DGKB: variants seen among roughly 807,000 people sequenced by gnomAD.
DGKB encodes 90 kDa diacylglycerol kinase.
In DGKB, 67 loss-of-function variants were observed where a neutral mutation model predicts 114.3. That is an observed-to-expected ratio of 0.59 (90% CI 0.48 to 0.72). The LOEUF (loss-of-function observed/expected upper bound fraction) is 0.72. Among genes scored for constraint, DGKB ranks in the 30% least tolerant of loss-of-function variants. The pLI, the probability that DGKB is intolerant of heterozygous loss-of-function variation, is 0.00. For synonymous variants in DGKB, 398 were observed against 323.1 expected, an observed-to-expected ratio of 1.23 and a Z score of -2.49; for missense variants, 907 against 975.2, an observed-to-expected ratio of 0.93 and a Z score of 0.93.
chr7:14,863,983 C>G (rs1001174046), intron 1 of DGKB, among the ~76,000 whole-genome samples: 1 of 151,642 alleles, frequency 6.6e-6, no homozygotes, highest in Admixed American at 6.6e-5. Context: ...CCTGTAATCC[C>G]AGCTACTAGG....
At chr7:14,784,683 C>T (rs1000539552) in intron 2 of DGKB, among the ~76,000 whole-genome samples, 1 of 152,120 alleles carries the variant, frequency 6.6e-6, no homozygotes, top group Non-Finnish European at 1.5e-5. Context: ...AGTTTATATG[C>T]TATTTTTGAT....
At chr7:14,737,150 T>A (rs1451399121) in intron 4 of DGKB, among the ~76,000 whole-genome samples, 1 of 152,014 alleles carries the variant, frequency 6.6e-6, no homozygotes, top group African/African-American at 2.4e-5. Context: ...GCCAGTGGAG[T>A]GGTCTTGGGT....
At chr7:14,425,028 A>G (rs1378603858) in intron 21 of DGKB, among the ~76,000 whole-genome samples, 1 of 152,188 alleles carries the variant, frequency 6.6e-6, no homozygotes, top group Non-Finnish European at 1.5e-5. Context: ...GTTGATGTAG[A>G]AATATAAGAA....
intron 23 of DGKB, among the ~76,000 whole-genome samples, chr7:14,243,938 T>G (rs900221868): frequency 6.6e-6 from 1 of 152,168 alleles, no homozygotes; most frequent in Non-Finnish European, 1.5e-5. Context: ...TTGAGTAAAA[T>G]GAAGGAGTGG....
chr7:14,352,526 G>C (rs1214531859), intron 21 of DGKB, among the ~76,000 whole-genome samples: 2 of 152,070 alleles, frequency 1.3e-5, no homozygotes, highest in Non-Finnish European at 2.9e-5. Context: ...CACAAAGTAA[G>C]TCCCTAAGAG....
chr7:14,817,741 T>C (rs1844361773), intron 2 of DGKB, among the ~76,000 whole-genome samples: 1 of 152,214 alleles, frequency 6.6e-6, no homozygotes, highest in South Asian at 2.1e-4. Flanking sequence ...GTTTAGATTA[T>C]ATTGTCAAAA....
At chr7:14,834,679 A>G (rs1846899829) in intron 2 of DGKB, among the ~76,000 whole-genome samples, 1 of 152,160 alleles carries the variant, frequency 6.6e-6, no homozygotes, top group Admixed American at 6.5e-5. Flanking sequence ...TGAGCAAAAA[A>G]TGAACTTCTG....
chr7:14,940,077 A>T (rs1415448360), intron 1 of DGKB, among the ~76,000 whole-genome samples: 1 of 152,150 alleles, frequency 6.6e-6, no homozygotes, highest in African/African-American at 2.4e-5. Flanking sequence ...TCTTATACAC[A>T]GTCTCCACAC....
intron 1 of DGKB, among the ~76,000 whole-genome samples, chr7:14,912,865 G>T (rs558478072): frequency 9.2e-5 from 14 of 152,074 alleles, no homozygotes; most frequent in African/African-American, 3.4e-4. Context: ...ATATTGTCTC[G>T]TACAGAAAGC....
At chr7:14,686,314 G>T (rs1022997397) in intron 9 of DGKB, among the ~76,000 whole-genome samples, 4 of 152,024 alleles carry the variant, frequency 2.6e-5, no homozygotes, top group African/African-American at 9.7e-5. Flanking sequence ...CTCCTTACAA[G>T]AAGGTCAAGA....
chr7:14,509,477 A>G lies in DGKB; in HGVS notation c.1771-31252T>C, dbSNP rs62443494. Reference sequence around the variant, plus strand: ...CTCCTCCTGAAACCCACTCCCACCCATTTCAGTCCTGATAAGTTAAAGATC... The same window carrying G: ...CTCCTCCTGAAACCCACTCCCACCCGTTTCAGTCCTGATAAGTTAAAGATC... On this transcript the variant is annotated intron_variant, in intron 20 of 25. Transcript: ENST00000402815. Among the ~76,000 whole-genome samples, 802 of 152,242 alleles carry G rather than the reference A, an allele frequency of 5.3e-3. 5 individuals are homozygous for G. The highest frequency in any genetic ancestry group is 0.017 in the Middle Eastern group (5 of 294).
At chr7:14,923,860 T>C (rs1204419313) in intron 1 of DGKB, among the ~76,000 whole-genome samples, 1 of 151,630 alleles carries the variant, frequency 6.6e-6, no homozygotes, top group Non-Finnish European at 1.5e-5. Flanking sequence ...CCGGGTGTGG[T>C]GGTGCATGCC....
chr7:14,200,679 G>A (rs1226776457), intron 23 of DGKB, among the ~76,000 whole-genome samples: 9 of 152,030 alleles, frequency 5.9e-5, no homozygotes, highest in Admixed American at 5.2e-4. Flanking sequence ...GTAGATCAAT[G>A]TATGCCAGGT....
chr7:14,420,448 A>T (rs1216612249), intron 21 of DGKB, among the ~76,000 whole-genome samples: 1 of 152,076 alleles, frequency 6.6e-6, no homozygotes, highest in Non-Finnish European at 1.5e-5. Context: ...TTGGTAAAAT[A>T]TCTACCTTAT....
chr7:14,369,111 C>T (rs1817195256), intron 21 of DGKB, among the ~76,000 whole-genome samples: 1 of 152,092 alleles, frequency 6.6e-6, no homozygotes, highest in South Asian at 2.1e-4. Context: ...TGATGTTTCC[C>T]TCCCTGTGTC....
intron 1 of DGKB, among the ~76,000 whole-genome samples, chr7:14,953,360 A>C (rs950553578): frequency 2.0e-5 from 3 of 152,088 alleles, no homozygotes; most frequent in Admixed American, 2.0e-4. Flanking sequence ...ACTCAATAAT[A>C]AAAGACTGAT....
intron 20 of DGKB, among the ~76,000 whole-genome samples, chr7:14,554,679 ATACT>A (rs1474803279): frequency 6.6e-6 from 1 of 152,162 alleles, no homozygotes; most frequent in African/African-American, 2.4e-5. Flanking sequence ...TGACAGCATC[ATACT>A]TACTGATTTA....
At chr7:14,199,127 C>A (rs1311239891) in intron 23 of DGKB, among the ~76,000 whole-genome samples, 1 of 151,844 alleles carries the variant, frequency 6.6e-6, no homozygotes, top group Non-Finnish European at 1.5e-5. Flanking sequence ...AATTTTTTTG[C>A]TCATTCTCTT....
chr7:14,332,544 C>G (rs2128559838), intron 23 of DGKB, among the ~76,000 whole-genome samples: 1 of 152,256 alleles, frequency 6.6e-6, no homozygotes, highest in Non-Finnish European at 1.5e-5. Flanking sequence ...TAAGTATCTT[C>G]TAAATTATCA....
Sources: gnomAD v4.1 joint callset for allele counts (sites outside exome capture counted in the v4.1 genomes callset) on GRCh38, gnomAD v4.1.1 for gene constraint, MANE v1.5 for transcripts, NCBI Gene and HGNC (gene_info 2026-07-23, HGNC 2026-07-21) for gene names.